The following ASF1B variants were observed in gnomAD, a reference collection of about 807,000 sequenced individuals.
ASF1B encodes the protein histone chaperone ASF1B.
ASF1B carries 10 observed loss-of-function variants against 16.6 expected under a neutral mutation model. That is an observed-to-expected ratio of 0.60 (90% CI 0.37 to 1.02). The LOEUF is 1.02. Ranked by LOEUF, ASF1B falls within the 50% of genes least tolerant of loss-of-function variation. The pLI, the probability that ASF1B is intolerant of heterozygous loss-of-function variation, is 0.01. For missense variants in ASF1B, 240 were observed against 266.0 expected, an observed-to-expected ratio of 0.90 and a Z score of 0.68; for synonymous variants, 101 against 106.2, an observed-to-expected ratio of 0.95 and a Z score of 0.30.
At chr19:14,132,390 T>C (rs1165460416) in intron 1 of ASF1B, among the ~76,000 whole-genome samples, 14 of 152,114 alleles carry the variant, frequency 9.2e-5, no homozygotes, top group Non-Finnish European at 2.9e-5. Flanking sequence ...TTCTCCCTTT[T>C]TCATGGAGAG....
At chr19:14,130,931 G>A (rs939215521) in intron 1 of ASF1B, among the ~76,000 whole-genome samples, 5 of 152,026 alleles carry the variant, frequency 3.3e-5, no homozygotes, top group African/African-American at 1.2e-4. Flanking sequence ...AGGCTGGAGT[G>A]CAATGGCGCA....
At chr19:14,121,794 T>A in intron 2 of ASF1B, 86 bp from the exon 3 acceptor site, 1 of 1,282,886 alleles carries the variant, frequency 7.8e-7, no homozygotes, top group Non-Finnish European at 1.1e-6. Flanking sequence ...ATCATGTATT[T>A]ACTGAGCAAA....
At chr19:14,126,750 G>A (rs1255094829) in intron 1 of ASF1B, among the ~76,000 whole-genome samples, 1 of 152,152 alleles carries the variant, frequency 6.6e-6, no homozygotes, top group Non-Finnish European at 1.5e-5. Flanking sequence ...GGGATGACAG[G>A]TGTGAGCCAC....
At chr19:14,134,396 A>G (rs1967454609) in intron 1 of ASF1B, among the ~76,000 whole-genome samples, 1 of 152,064 alleles carries the variant, frequency 6.6e-6, no homozygotes, top group East Asian at 1.9e-4. Flanking sequence ...CCCAAAGCAC[A>G]TCCACATCTC....
chr19:14,126,385 A>G, intron 1 of ASF1B, 148 bp from the exon 2 acceptor site: 1 of 598,084 alleles, frequency 1.7e-6, no homozygotes, highest in South Asian at 2.0e-5. Context: ...GCTCACTGCA[A>G]CTTCCGCCTC....
At position 14,121,594 on chromosome 19, in the gene ASF1B, T is replaced by C; in HGVS notation, c.340A>G (p.Asn114Asp). Residue 114 changes from asparagine to aspartate, a missense_variant, in exon 3 of 4, where the codon AAC (asparagine) becomes GAC (aspartate). Physicochemically the swap from Asn to Asp is conservative, Grantham distance 23. Transcript: ENST00000263382. The stretch of plus-strand genomic sequence containing the variant: ...AGCTCAGGGTTGAGGTACTCGTTGT[T>C]GACGTAGTAGCCCACTCGGATGAAC... ...QEFIRVGYYVNNEYLNPELRE... is the reference protein window; with the variant it reads ...QEFIRVGYYVDNEYLNPELRE... 6.2e-7 allele frequency: 1 copy of C among 1,614,062 alleles called. No individual in the cohort carries two copies. The highest frequency in any genetic ancestry group is 8.5e-7 in the Non-Finnish European group (1 of 1,180,020).
intron 1 of ASF1B, among the ~76,000 whole-genome samples, chr19:14,130,918 C>G (rs531333320): frequency 7.2e-5 from 11 of 152,180 alleles, no homozygotes; most frequent in African/African-American, 2.4e-4. Flanking sequence ...TGCTCTGTCG[C>G]CCAGGCTGGA....
At chr19:14,123,941 C>T (rs1967280615) in intron 2 of ASF1B, among the ~76,000 whole-genome samples, 2 of 151,968 alleles carry the variant, frequency 1.3e-5, no homozygotes, top group Admixed American at 1.3e-4. Context: ...CAAATGTGCA[C>T]CACCACATCC....
chr19:14,135,146 C>G (rs1278287705), intron 1 of ASF1B, among the ~76,000 whole-genome samples: 1 of 149,460 alleles, frequency 6.7e-6, no homozygotes, highest in Admixed American at 6.7e-5. Context: ...ATCGCTTGAA[C>G]TCGGGAGGTG....
intron 2 of ASF1B, among the ~76,000 whole-genome samples, chr19:14,123,786 ATT>A (rs1247010220): frequency 7.0e-4 from 75 of 107,610 alleles, no homozygotes; most frequent in Admixed American, 1.6e-3. Flanking sequence ...AAGCGAGCCT[ATT>A]TTTTTTTTTT....
chr19:14,130,208 C>G (rs527630887), intron 1 of ASF1B, among the ~76,000 whole-genome samples: 68 of 151,722 alleles, frequency 4.5e-4, no homozygotes, highest in African/African-American at 1.6e-3. Context: ...ACAGGCACCC[C>G]CCACCACGCC....
At chr19:14,131,491 T>C (rs558371769) in intron 1 of ASF1B, among the ~76,000 whole-genome samples, 21 of 148,162 alleles carry the variant, frequency 1.4e-4, no homozygotes, top group Non-Finnish European at 2.1e-4. Context: ...TTTTCTTTTT[T>C]TTTTTTTTTG....
chr19:14,128,779 G>A (rs1967355175), intron 1 of ASF1B, among the ~76,000 whole-genome samples: 1 of 152,212 alleles, frequency 6.6e-6, no homozygotes, highest in South Asian at 2.1e-4. Flanking sequence ...TTTGTTACAA[G>A]TAGTGACACA....
chr19:14,125,292 A>G (rs1392843684), intron 2 of ASF1B, among the ~76,000 whole-genome samples: 2 of 151,544 alleles, frequency 1.3e-5, no homozygotes, highest in African/African-American at 2.4e-5. Flanking sequence ...ATAAACACAC[A>G]TACAAGTTTA....
At chr19:14,121,785 T>C in intron 2 of ASF1B, 77 bp from the exon 3 acceptor site, 1 of 1,371,704 alleles carries the variant, frequency 7.3e-7, no homozygotes, top group East Asian at 2.5e-5. Context: ...TTCCCAAGCA[T>C]CATGTATTTA....
chr19:14,135,139 G>A (rs556583197), intron 1 of ASF1B, among the ~76,000 whole-genome samples: 1 of 150,072 alleles, frequency 6.7e-6, no homozygotes, highest in Admixed American at 6.7e-5. Flanking sequence ...CAGAAGAATC[G>A]CTTGAACTCG....
chr19:14,126,261 C>CTA, intron 1 of ASF1B, 24 bp from the exon 2 acceptor site: 1 of 1,557,060 alleles, frequency 6.4e-7, no homozygotes. Context: ...GGAGGGTTAA[C>CTA]TAATTGAAAT....
chr19:14,136,448 C>T lies in ASF1B; in HGVS notation c.9G>A (p.Lys3=). 1 of 1,612,862 alleles carries T rather than the reference C, an allele frequency of 6.2e-7. No homozygotes were observed. The highest frequency in any genetic ancestry group is 8.5e-7 in the Non-Finnish European group (1 of 1,179,184). Residue 3 remains lysine (K), a synonymous_variant, in exon 1 of 4, where the codon AAG becomes AAA. Transcript: ENST00000263382. The stretch of plus-strand genomic sequence containing the variant: ...GGACCGCCACGTTCAGCACCGACAC[C>T]TTGGCCATCGCCTCGCCTCGCCGCG... MA[K]VSVLNVAVLE...
intron 1 of ASF1B, among the ~76,000 whole-genome samples, chr19:14,127,283 G>T (rs747692245): frequency 6.6e-6 from 1 of 152,190 alleles, no homozygotes; most frequent in Non-Finnish European, 1.5e-5. Flanking sequence ...GCCTCTCAAG[G>T]CCTGAGCGTG....
Sources: gnomAD v4.1 joint callset for allele counts (sites outside exome capture counted in the v4.1 genomes callset) on GRCh38, gnomAD v4.1.1 for gene constraint, MANE v1.5 for transcripts, NCBI Gene and HGNC (gene_info 2026-07-23, HGNC 2026-07-21) for gene names.